C7: variants seen among roughly 807,000 people sequenced by gnomAD.
C7 encodes complement component C7.
C7 carries 83 observed loss-of-function variants against 104.8 expected under a neutral mutation model. That is an observed-to-expected ratio of 0.79 (90% CI 0.66 to 0.95). The LOEUF is 0.95. C7 is among the 40% of genes least tolerant of loss of function. The pLI, the probability that C7 is intolerant of heterozygous loss-of-function variation, is 0.00. For missense variants in C7, 1,070 were observed against 1,011.2 expected, an observed-to-expected ratio of 1.06 and a Z score of -0.79; for synonymous variants, 415 against 360.6, an observed-to-expected ratio of 1.15 and a Z score of -1.71.
chr5:40,975,619 C>T (rs1740802118), intron 15 of C7, among the ~76,000 whole-genome samples: 1 of 152,122 alleles, frequency 6.6e-6, no homozygotes, highest in African/African-American at 2.4e-5. Context: ...CTGCCTCGGC[C>T]TCCCAAAGTG....
At chr5:40,916,495 C>T (rs1739319415) in intron 1 of C7, among the ~76,000 whole-genome samples, 1 of 152,120 alleles carries the variant, frequency 6.6e-6, no homozygotes, top group African/African-American at 2.4e-5. Flanking sequence ...GTTTTCTCTC[C>T]TCTTGGTATC....
intron 1 of C7, chr5:40,911,165 T>C (rs1214665892): frequency 6.6e-6 from 1 of 152,244 alleles, no homozygotes; most frequent in Non-Finnish European, 1.5e-5. Flanking sequence ...TGTAGAGTTC[T>C]TACCTGTATT....
In C7 at chr5:40,936,475, A is replaced by C; in HGVS notation, c.418A>C (p.Thr140Pro). ...TAAACCTCCTCCTAACATAGAACTT[A>C]CTGGAAATGGGTAAGGTGCTGGGCA... ...IDKPPPNIEL[T>P]GNGYNELTGQ... The change falls in exon 5 of 18, where the codon ACT (threonine) becomes CCT (proline). Residue 140 changes from threonine (T) to proline (P), a missense_variant. Transcript: ENST00000313164. The C allele has an allele frequency of 6.2e-7, 1 of 1,612,978 alleles. No homozygotes were observed. The highest frequency in any genetic ancestry group is 1.1e-5 in the South Asian group (1 of 90,960).
At chr5:40,972,714 T>A in intron 15 of C7, 120 bp downstream of exon 15, 1 of 741,596 alleles carries the variant, frequency 1.3e-6, no homozygotes, top group Non-Finnish European at 2.2e-6. Context: ...TCTTGCTCCT[T>A]AAGATAGGGT....
intron 13 of C7, among the ~76,000 whole-genome samples, chr5:40,964,051 T>G (rs980527311): frequency 1.1e-5 from 1 of 88,000 alleles, no homozygotes; most frequent in Non-Finnish European, 2.2e-5. Context: ...TTTTTTTTTT[T>G]AGAGAGAGAG....
rs181188358 is a variant in C7 at position 40,950,861 on chromosome 5, G to A, written c.1093+847G>A. ...TTGGCAGTGGAGATGGGGGGAAGGT[G>A]GTATGCTAGTCTTTGGGTGATTGAA... On this transcript the variant is annotated intron_variant, in intron 9 of 17. Transcript: ENST00000313164. Among the ~76,000 whole-genome samples, 305 of 152,212 alleles carry A rather than the reference G, an allele frequency of 2.0e-3. 2 individuals carry two copies. Among genetic ancestry groups the A allele is most frequent in the Non-Finnish European group, 3.1e-3 (214 of 68,008 alleles).
In C7 at chr5:40,958,055, T is replaced by C. The variant is rs1740332994; in HGVS notation, c.1283T>C (p.Val428Ala). ...KQKLTPLYELVKEVPCASVKK... is the reference protein window; with the variant it reads ...KQKLTPLYELAKEVPCASVKK... The stretch of plus-strand genomic sequence containing the variant: ...TAGCTGACACCTTTATATGAGCTGG[T>C]AAAGGAAGTACCTTGTGCCTCTGTG... Residue 428 changes from valine to alanine, a missense_variant, in exon 11 of 18, where the codon GTA (valine) becomes GCA (alanine). By Grantham distance (64) the Val-to-Ala change is moderately conservative (BLOSUM62 0). Transcript: ENST00000313164. 1 of 1,613,070 alleles carries C rather than the reference T, an allele frequency of 6.2e-7. No individual in the cohort carries two copies. Among genetic ancestry groups the C allele is most frequent in the South Asian group, 1.1e-5 (1 of 91,014 alleles).
intron 1 of C7, among the ~76,000 whole-genome samples, chr5:40,918,506 T>G (rs191014402): frequency 6.6e-6 from 1 of 152,060 alleles, no homozygotes; most frequent in Admixed American, 6.5e-5. Context: ...ATAGAGTAAG[T>G]GAATGAATAA....
At chr5:40,956,388 T>G (rs544154956) in intron 10 of C7, among the ~76,000 whole-genome samples, 2 of 152,270 alleles carry the variant, frequency 1.3e-5, no homozygotes, top group Admixed American at 6.5e-5. Context: ...ATGCAGGAAA[T>G]GAACTGACAT....
In C7 at chr5:40,979,760, GC is replaced by G. The variant is rs2111731768; in HGVS notation, c.2202del (p.Ser734ArgfsTer7). 1 of 1,613,620 alleles carries G rather than the reference GC, an allele frequency of 6.2e-7. No individual in the cohort carries two copies. The highest frequency in any genetic ancestry group is 8.5e-7 in the Non-Finnish European group (1 of 1,179,682). ...GATGTATGTGCTCAAGATGAGAGAA[GC>G]AAAAGGATACTGCCTCTGACAGTTT... ...SLDVCAQDER[S>X]KRILPLTVCK... is the part of the protein sequence containing the mutation. On this transcript the variant is annotated frameshift_variant, in exon 17 of 18. Transcript: ENST00000313164. LOFTEE classifies it high-confidence loss of function.
In C7 at chr5:40,958,271, G is replaced by A. The variant is rs747774073; in HGVS notation, c.1489+10G>A. Reference sequence around the variant, plus strand: ...GTAGGGAATCAAGCAGGTCAGTGGGGTGAATTTTCTCTAGCCACCCTGTAC... The same window carrying A: ...GTAGGGAATCAAGCAGGTCAGTGGGATGAATTTTCTCTAGCCACCCTGTAC... On this transcript the variant is annotated intron_variant, in intron 11 of 17. Coordinates refer to ENST00000313164, the MANE Select transcript of C7 (RefSeq NM_000587.4). The A allele has an allele frequency of 6.4e-7, 1 of 1,562,418 alleles. No homozygotes were observed. Among genetic ancestry groups the A allele is most frequent in the South Asian group, 1.2e-5 (1 of 82,194 alleles).
chr5:40,918,499 G>A (rs1739370141), intron 1 of C7, among the ~76,000 whole-genome samples: 1 of 152,082 alleles, frequency 6.6e-6, no homozygotes, highest in Admixed American at 6.6e-5. Context: ...AAAAGATATA[G>A]AGTAAGTGAA....
intron 6 of C7, among the ~76,000 whole-genome samples, chr5:40,943,032 G>T (rs554707850): frequency 1.3e-5 from 2 of 152,218 alleles, no homozygotes; most frequent in South Asian, 2.1e-4. Flanking sequence ...AAAGTGCTGG[G>T]ATTACAGGCA....
At chr5:40,978,589 A>G (rs7733768) in intron 16 of C7, among the ~76,000 whole-genome samples, 10,661 of 152,256 alleles carry the variant, frequency 0.07, 1,231 homozygotes, top group African/African-American at 0.24. Context: ...TAGATTCAAA[A>G]CAACAGGATT....
chr5:40,958,171 A>G lies in C7; in HGVS notation c.1399A>G (p.Thr467Ala), dbSNP rs1740340083. 3.1e-6 allele frequency: 5 copies of G among 1,613,816 alleles called. No homozygotes were observed. Among genetic ancestry groups the G allele is most frequent in the Non-Finnish European group, 4.2e-6 (5 of 1,179,774 alleles). Residue 467 changes from threonine (T) to alanine (A), a missense_variant, in exon 11 of 18, where the codon ACT becomes GCT. By Grantham distance (58) the Thr-to-Ala change is moderately conservative. Transcript: ENST00000313164. ...CRPCQNGGLA[T>A]VEGTHCLCHC... ...GCCTTGTCAAAATGGTGGTTTGGCT[A>G]CTGTTGAGGGGACCCATTGTCTGTG... is the stretch of plus-strand genomic sequence containing the variant.
chr5:40,910,862 G>A (rs1330732132), intron 1 of C7, among the ~76,000 whole-genome samples: 1 of 150,176 alleles, frequency 6.7e-6, no homozygotes, highest in Non-Finnish European at 1.5e-5. Context: ...TAGCCAAAAT[G>A]TTTTTTCCTA....
chr5:40,947,300 A>G (rs1286624577), intron 7 of C7, among the ~76,000 whole-genome samples: 1 of 151,524 alleles, frequency 6.6e-6, no homozygotes, highest in Non-Finnish European at 1.5e-5. Context: ...GGGTTTCATC[A>G]TGTTGGCCAG....
Position 40,948,464 on chromosome 5 carries a change from G to A in C7, c.982+619G>A, listed in dbSNP as rs540685006. Among the ~76,000 whole-genome samples the A allele has an allele frequency of 3.2e-4, 49 of 152,228 alleles. 1 individual carries two copies. The South Asian group carries it at 9.7e-3, about 30-fold the overall frequency. On this transcript the variant is annotated intron_variant, in intron 8 of 17. Coordinates refer to ENST00000313164, the MANE Select transcript of C7 (RefSeq NM_000587.4). ...TATGAGACTTATCCAAGGTCATGAA[G>A]ATTGCAAGGAGGGTATTTAAGGCTG...
chr5:40,941,256 G>A (rs1739929725), intron 6 of C7, among the ~76,000 whole-genome samples: 1 of 151,866 alleles, frequency 6.6e-6, no homozygotes. Context: ...TAGATACAGG[G>A]TTTCGCCATG....
Sources: gnomAD v4.1 joint callset for allele counts (sites outside exome capture counted in the v4.1 genomes callset) on GRCh38, gnomAD v4.1.1 for gene constraint, MANE v1.5 for transcripts, NCBI Gene and HGNC (gene_info 2026-07-23, HGNC 2026-07-21) for gene names.